Variants in PKN2 observed in about 807,000 individuals in gnomAD.
PKN2 encodes protein kinase N2.
In PKN2, 38 loss-of-function variants were observed where a neutral mutation model predicts 119.1. The ratio of observed to expected loss-of-function variants is 0.32; its 90% CI spans 0.25 to 0.42. The LOEUF is 0.42. PKN2 is among the 10% of genes least tolerant of loss of function. The probability of loss-of-function intolerance (pLI) is 1.00; values close to 1 mark genes in which losing one functional copy is unlikely to be tolerated. For synonymous variants in PKN2, 390 were observed against 384.9 expected (o/e 1.01, Z -0.15); for missense variants, 850 against 1,165.1 (o/e 0.73, Z 3.94).
At chr1:88,687,911 G>C (rs1237524426) in intron 1 of PKN2, among the ~76,000 whole-genome samples, 1 of 152,120 alleles carries the variant, frequency 6.6e-6, no homozygotes, top group African/African-American at 2.4e-5. Context: ...CTATATATCA[G>C]ACATTGTACT....
intron 1 of PKN2, among the ~76,000 whole-genome samples, chr1:88,706,522 G>A (rs1000565837): frequency 2.0e-5 from 3 of 152,140 alleles, no homozygotes; most frequent in African/African-American, 7.2e-5. Flanking sequence ...TAGAATAGAA[G>A]TGGTAAGAGT....
chr1:88,710,263 T>C (rs1406665233), intron 1 of PKN2, among the ~76,000 whole-genome samples: 1 of 152,150 alleles, frequency 6.6e-6, no homozygotes, highest in Non-Finnish European at 1.5e-5. Context: ...AGAGATTAAT[T>C]GAAGGAATCT....
intron 16 of PKN2, among the ~76,000 whole-genome samples, chr1:88,815,772 G>C (rs139199544): frequency 6.6e-6 from 1 of 152,136 alleles, no homozygotes; most frequent in Non-Finnish European, 1.5e-5. Context: ...ACACAATACC[G>C]GACAAACAGG....
intron 3 of PKN2, among the ~76,000 whole-genome samples, chr1:88,765,417 C>A (rs956043969): frequency 5.3e-5 from 8 of 152,048 alleles, no homozygotes; most frequent in African/African-American, 1.4e-4. Context: ...ATGGATATAC[C>A]AGACTGTCCA....
intron 1 of PKN2, among the ~76,000 whole-genome samples, chr1:88,738,165 TAAAAAACAAACAAAC>T (rs1015537675): frequency 4.3e-4 from 41 of 96,444 alleles, no homozygotes; most frequent in Non-Finnish European, 5.0e-4. Context: ...GACAAGTCAT[TAAAAAACAAACAAAC>T]AAAAAAAAAC....
Position 88,833,390 on chromosome 1 carries a change from T to C in PKN2, c.2897T>C (p.Leu966Pro). The C allele has an allele frequency of 1.2e-6, 2 of 1,613,436 alleles. No homozygotes were observed. The highest frequency in any genetic ancestry group is 1.7e-6 in the Non-Finnish European group (2 of 1,179,464). The change falls in exon 22 of 22, where the codon CTT becomes CCT. Residue 966 changes from leucine to proline, a missense_variant. Leu to Pro is a moderately conservative substitution (Grantham distance 98). Coordinates refer to ENST00000370521, the MANE Select transcript of PKN2 (RefSeq NM_006256.4). ...ACTCCACCTCGAGAACCAAGGATAC[T>C]TTCGGAAGAGGAGCAGGAAATGTTC... ...ILTPPREPRI[L>P]SEEEQEMFRD...
At chr1:88,694,923 G>A (rs1020221249) in intron 1 of PKN2, among the ~76,000 whole-genome samples, 1 of 152,102 alleles carries the variant, frequency 6.6e-6, no homozygotes, top group East Asian at 1.9e-4. Flanking sequence ...AGATCATGAG[G>A]TCAGGAGATC....
At chr1:88,714,376 G>A (rs908689258) in intron 1 of PKN2, among the ~76,000 whole-genome samples, 3 of 152,104 alleles carry the variant, frequency 2.0e-5, no homozygotes, top group African/African-American at 7.2e-5. Flanking sequence ...CATGGGCAGT[G>A]TGGCCATTTT....
chr1:88,709,378 T>TA (rs1667133915), intron 1 of PKN2, among the ~76,000 whole-genome samples: 1 of 152,056 alleles, frequency 6.6e-6, no homozygotes, highest in East Asian at 1.9e-4. Context: ...AGTAATCAAA[T>TA]ACACTTTCTT....
At chr1:88,701,290 A>G (rs1443115860) in intron 1 of PKN2, among the ~76,000 whole-genome samples, 2 of 152,202 alleles carry the variant, frequency 1.3e-5, no homozygotes, top group African/African-American at 4.8e-5. Context: ...CTAAAAATAC[A>G]AAAATTAGCC....
chr1:88,818,073 T>C (rs1408860009), intron 16 of PKN2, among the ~76,000 whole-genome samples: 2 of 151,470 alleles, frequency 1.3e-5, no homozygotes, highest in Non-Finnish European at 3.0e-5. Flanking sequence ...AATACACTGA[T>C]AATAGAGAAC....
intron 1 of PKN2, among the ~76,000 whole-genome samples, chr1:88,724,882 GTTTTT>G (rs60507382): frequency 1.8e-4 from 19 of 105,992 alleles, no homozygotes; most frequent in African/African-American, 6.0e-4. Context: ...CCACCCCTTG[GTTTTT>G]TTTTTTTTTT....
intron 8 of PKN2, among the ~76,000 whole-genome samples, chr1:88,789,769 C>T (rs1670738320): frequency 6.6e-6 from 1 of 151,898 alleles, no homozygotes; most frequent in African/African-American, 2.4e-5. Context: ...ATTTTTGACT[C>T]ACACTACATG....
rs538148822 is a variant in PKN2 at position 88,761,529 on chromosome 1, A to G, written c.504+1153A>G. On this transcript the variant is annotated intron_variant, in intron 3 of 21. Transcript: ENST00000370521. Reference sequence around the variant, plus strand: ...GGTGGCTCACACCTGTATACCTAGAACTCTGGGAGGCTGAGGCAGGAGGAT... The same window carrying G: ...GGTGGCTCACACCTGTATACCTAGAGCTCTGGGAGGCTGAGGCAGGAGGAT... 1.2e-4 allele frequency among the ~76,000 whole-genome samples: 18 copies of G among 151,442 alleles called. No homozygotes were observed. The South Asian group carries it at 3.6e-3, about 30-fold the overall frequency.
chr1:88,741,155 C>A lies in PKN2; in HGVS notation c.216C>A (p.Val72=). The A allele has an allele frequency of 6.2e-7, 1 of 1,611,628 alleles. No individual in the cohort carries two copies. Among genetic ancestry groups the A allele is most frequent in the South Asian group, 1.1e-5 (1 of 90,470 alleles). Residue 72 remains valine (V), a synonymous_variant, in exon 2 of 22, where the codon GTC becomes GTA. Transcript: ENST00000370521. ...AAGGAGCTGAAAATCTGAGGAAAGT[C>A]ACAACAGATAAAAAAAGTTTGGCTT... The part of the protein sequence containing the change: ...IKEGAENLRK[V]TTDKKSLAYV...
At chr1:88,759,395 A>G (rs561347245) in intron 2 of PKN2, among the ~76,000 whole-genome samples, 17 of 152,262 alleles carry the variant, frequency 1.1e-4, no homozygotes, top group African/African-American at 4.1e-4. Context: ...GGTGTCAGAT[A>G]GTATCTCATT....
chr1:88,724,881 G>GT (rs1557567528), intron 1 of PKN2, among the ~76,000 whole-genome samples: 3 of 123,136 alleles, frequency 2.4e-5, no homozygotes, highest in African/African-American at 1.1e-4. Flanking sequence ...CCCACCCCTT[G>GT]GTTTTTTTTT....
At chr1:88,791,420 ACT>A (rs987240482) in intron 8 of PKN2, among the ~76,000 whole-genome samples, 13 of 147,436 alleles carry the variant, frequency 8.8e-5, no homozygotes, top group African/African-American at 2.8e-4. Context: ...ACAGAGTGAA[ACT>A]CTGTCTCAAA....
rs927658803 is a variant in PKN2 at position 88,835,867 on chromosome 1, T to G, written c.*2419T>G. On this transcript the variant is annotated 3_prime_UTR_variant, in exon 22 of 22. Transcript: ENST00000370521. Reference sequence around the variant, plus strand: ...CTAATGATTAAAATATACTTTAACTTTTCTGTGTTCAAAATCTCAAAGACT... The same window carrying G: ...CTAATGATTAAAATATACTTTAACTGTTCTGTGTTCAAAATCTCAAAGACT... 1 of 152,202 alleles carries G rather than the reference T, an allele frequency of 6.6e-6. No homozygotes were observed. The highest frequency in any genetic ancestry group is 1.5e-5 in the Non-Finnish European group (1 of 67,940). The allele number at this position is 152,202 out of a possible 1,614,324, so 9.4% of individuals were successfully genotyped here. A position where few individuals can be genotyped will look rare whatever the true frequency, so the allele number is the denominator to read the frequency against.
Sources: gnomAD v4.1 joint callset for allele counts (sites outside exome capture counted in the v4.1 genomes callset) on GRCh38, gnomAD v4.1.1 for gene constraint, MANE v1.5 for transcripts, NCBI Gene and HGNC (gene_info 2026-07-23, HGNC 2026-07-21) for gene names.